The following MYH11 variants were observed in gnomAD, a reference collection of about 807,000 sequenced individuals.
The protein encoded by MYH11 is myosin-11.
In MYH11, 80 loss-of-function variants were observed where a neutral mutation model predicts 246.6. The ratio of observed to expected loss-of-function variants is 0.32; its 90% CI spans 0.27 to 0.39. The LOEUF is 0.39. Among genes scored for constraint, MYH11 ranks in the 10% least tolerant of loss-of-function variants. The pLI is 1.00. For synonymous variants in MYH11, 1,071 were observed against 1,015.5 expected (o/e 1.05, Z -1.04); for missense variants, 2,158 against 2,546.8 (o/e 0.85, Z 3.29).
intron 14 of MYH11, 30 bp downstream of exon 14, chr16:15,756,311 A>G: frequency 5.0e-6 from 8 of 1,612,698 alleles, no homozygotes; most frequent in Non-Finnish European, 6.8e-6. Flanking sequence ...GTCCCCTGAG[A>G]CAGAGTCCCC....
intron 6 of MYH11, 105 bp from the exon 7 acceptor site, chr16:15,778,948 G>T: frequency 1.8e-6 from 2 of 1,107,964 alleles, no homozygotes; most frequent in Non-Finnish European, 2.8e-6. Context: ...GGGAGGTGGG[G>T]CGGGGAGATT....
intron 27 of MYH11, among the ~76,000 whole-genome samples, chr16:15,727,355 C>T (rs1255210357): frequency 6.6e-6 from 1 of 152,132 alleles, no homozygotes; most frequent in Non-Finnish European, 1.5e-5. Flanking sequence ...CGCCCGCCAC[C>T]ATGCCCGACT....
chr16:15,764,472 G>T (rs2041937807), intron 9 of MYH11, among the ~76,000 whole-genome samples: 1 of 151,528 alleles, frequency 6.6e-6, no homozygotes, highest in Admixed American at 6.6e-5. Flanking sequence ...GGGAGATCCT[G>T]TCTCTAAAAC....
At chr16:15,782,853 CAGTCGTGCTG>C in intron 5 of MYH11, 1 of 219,822 alleles carries the variant, frequency 4.5e-6, no homozygotes, top group Non-Finnish European at 9.3e-6. Context: ...CTGTACATGG[CAGTCGTGCTG>C]CTGTTCATGT....
chr16:15,730,396 G>C (rs952220463), intron 27 of MYH11, among the ~76,000 whole-genome samples: 11 of 147,250 alleles, frequency 7.5e-5, no homozygotes, highest in Admixed American at 6.8e-5. Flanking sequence ...AAAAAAATTA[G>C]CCGGGCATGG....
At chr16:15,828,064 G>C (rs181086410) in intron 2 of MYH11, among the ~76,000 whole-genome samples, 1 of 152,324 alleles carries the variant, frequency 6.6e-6, no homozygotes, top group African/African-American at 2.4e-5. Flanking sequence ...AGGCAGTAAA[G>C]GGCAGTGGCT....
intron 13 of MYH11, among the ~76,000 whole-genome samples, chr16:15,757,335 CCT>C (rs1426064239): frequency 6.7e-6 from 1 of 150,364 alleles, no homozygotes; most frequent in African/African-American, 2.4e-5. Context: ...TAGTAGAAAC[CCT>C]GTCTCTACTG....
chr16:15,725,969 C>CA (rs879937981), intron 28 of MYH11: 19 of 343,330 alleles, frequency 5.5e-5, no homozygotes, highest in South Asian at 3.1e-4. Context: ...CCCCTACCCC[C>CA]AACCCCAGCT....
At chr16:15,708,151 C>T (rs1465777846) in intron 40 of MYH11, among the ~76,000 whole-genome samples, 2 of 151,984 alleles carry the variant, frequency 1.3e-5, no homozygotes, top group African/African-American at 4.8e-5. Flanking sequence ...CAGCTTCCAC[C>T]CCGTGTGCTG....
chr16:15,721,988 G>C (rs1373829184), intron 31 of MYH11, among the ~76,000 whole-genome samples: 1 of 152,126 alleles, frequency 6.6e-6, no homozygotes, highest in Non-Finnish European at 1.5e-5. Context: ...CTCCAGAGTA[G>C]TTGGGATTAC....
At position 15,788,077 on chromosome 16, in the gene MYH11, C is replaced by CTTTTTTTTTTTTTTTT. The variant is rs1555569336; in HGVS notation, c.531-1361_531-1346dup. 8.7e-4 allele frequency among the ~76,000 whole-genome samples: 48 copies of CTTTTTTTTTTTTTTTT among 55,366 alleles called. 9 individuals carry two copies. The highest frequency in any genetic ancestry group is 1.4e-3 in the Non-Finnish European group (38 of 27,356). 36.3% of individuals were successfully genotyped at this position (55,366 alleles called of 152,430 possible). A position where few individuals can be genotyped will look rare whatever the true frequency, so the allele number is the denominator to read the frequency against. The stretch of plus-strand genomic sequence containing the variant: ...GTCCTCCTGGAATATGAAGGTAGAT[C>CTTTTTTTTTTTTTTTT]TTTTTTTTTTTTTTTTTTACCAAGA... On this transcript the variant is annotated intron_variant, in intron 4 of 40. Transcript: ENST00000300036.
At chr16:15,814,490 T>C (rs1431322739) in intron 3 of MYH11, among the ~76,000 whole-genome samples, 1 of 132,406 alleles carries the variant, frequency 7.6e-6, no homozygotes, top group East Asian at 2.2e-4. Flanking sequence ...GAGGTGGAGG[T>C]TGCAGTGAGC....
In MYH11 at chr16:15,782,389, C is replaced by A; in HGVS notation, c.722G>T (p.Arg241Leu). 2 of 1,613,890 alleles carry A rather than the reference C, an allele frequency of 1.2e-6. No homozygotes were observed. Among genetic ancestry groups the A allele is most frequent in the Non-Finnish European group, 1.7e-6 (2 of 1,179,804 alleles). Residue 241 changes from arginine (R) to leucine (L), a missense_variant, in exon 6 of 41, where the codon CGA becomes CTA. Transcript: ENST00000300036. Reference sequence around the variant, plus strand: ...CCATGTGGCTTTGCTACTTACGAATCGTGAGGAGTTGTCGTTCTTCACTGT... The same window carrying A: ...CCATGTGGCTTTGCTACTTACGAATAGTGAGGAGTTGTCGTTCTTCACTGT... ...AKTVKNDNSS[R>L]FGKFIRINFD... is the part of the protein sequence containing the mutation.
At chr16:15,812,124 ATCCCT>A (rs1166028060) in intron 3 of MYH11, among the ~76,000 whole-genome samples, 1 of 152,096 alleles carries the variant, frequency 6.6e-6, no homozygotes, top group Non-Finnish European at 1.5e-5. Flanking sequence ...ATTGAGGGGG[ATCCCT>A]GTGGTTGCCC....
intron 11 of MYH11, among the ~76,000 whole-genome samples, chr16:15,759,951 G>C (rs1596794026): frequency 6.6e-6 from 1 of 152,114 alleles, no homozygotes; most frequent in African/African-American, 2.4e-5. Context: ...ACAAAAATTA[G>C]CCAGGCGTTG....
At chr16:15,722,570 G>A (rs1047089698) in intron 31 of MYH11, among the ~76,000 whole-genome samples, 1 of 152,116 alleles carries the variant, frequency 6.6e-6, no homozygotes. Context: ...AGCAACCTCA[G>A]GCCTTCAACC....
chr16:15,845,723 A>AG (rs36012756), intron 1 of MYH11, among the ~76,000 whole-genome samples: 27,405 of 151,746 alleles, frequency 0.18, 3,149 homozygotes, highest in East Asian at 0.46. Flanking sequence ...AGAGAGAGAG[A>AG]AAAAGAAGGA....
At chr16:15,763,460 G>C (rs2041911984) in intron 10 of MYH11, among the ~76,000 whole-genome samples, 1 of 152,044 alleles carries the variant, frequency 6.6e-6, no homozygotes, top group Admixed American at 6.6e-5. Flanking sequence ...GGCCAAGGTG[G>C]GAGGATCACT....
intron 20 of MYH11, among the ~76,000 whole-genome samples, chr16:15,743,844 C>T (rs1014517563): frequency 1.3e-5 from 2 of 152,168 alleles, no homozygotes; most frequent in Non-Finnish European, 2.9e-5. Context: ...AGTGGATACA[C>T]TCAAGGGCAT....
Sources: allele counts gnomAD v4.1 joint callset (sites outside exome capture counted in the v4.1 genomes callset), GRCh38; gene constraint gnomAD v4.1.1; transcripts MANE v1.5; gene names NCBI Gene and HGNC (gene_info 2026-07-23, HGNC 2026-07-21).